MALRD1: variants seen among roughly 807,000 people sequenced by gnomAD.
MALRD1 encodes the protein MAM and LDL receptor class A domain containing 1.
Under a neutral mutation model 242.1 loss-of-function variants are expected in MALRD1, and 247 were observed. The observed-to-expected ratio is 1.02, with a 90% CI of 0.92 to 1.13. MALRD1 has a LOEUF of 1.13. MALRD1 is among the 50% of genes most tolerant of loss of function. The pLI is 0.00. For missense variants in MALRD1, 2,989 were observed against 2,533.1 expected, an observed-to-expected ratio of 1.18 and a Z score of -3.86; for synonymous variants, 995 against 866.6, an observed-to-expected ratio of 1.15 and a Z score of -2.60.
chr10:19,643,874 G>A (rs1840524644), intron 36 of MALRD1, among the ~76,000 whole-genome samples: 1 of 152,156 alleles, frequency 6.6e-6, no homozygotes, highest in African/African-American at 2.4e-5. Context: ...GAATTAGCCA[G>A]TGGGATGCAC....
chr10:19,231,618 A>T (rs960326054), intron 18 of MALRD1, among the ~76,000 whole-genome samples: 2 of 152,046 alleles, frequency 1.3e-5, no homozygotes, highest in Admixed American at 6.6e-5. Context: ...TTCCCTACAC[A>T]AGCTTTCTTC....
intron 36 of MALRD1, among the ~76,000 whole-genome samples, chr10:19,643,357 A>T (rs538383446): frequency 3.9e-5 from 6 of 152,214 alleles, no homozygotes; most frequent in African/African-American, 1.4e-4. Flanking sequence ...GAAGCAGTAG[A>T]ATCGCTTGAA....
At chr10:19,474,701 G>A (rs1356155043) in intron 29 of MALRD1, among the ~76,000 whole-genome samples, 3 of 151,976 alleles carry the variant, frequency 2.0e-5, no homozygotes. Flanking sequence ...GAAGCATTTT[G>A]TTCTTAAAAG....
intron 5 of MALRD1, among the ~76,000 whole-genome samples, chr10:19,105,015 T>G (rs779674668): frequency 1.3e-5 from 2 of 152,110 alleles, no homozygotes; most frequent in Non-Finnish European, 2.9e-5. Context: ...ATTTATCTTC[T>G]CTTTGTAGTA....
At chr10:19,373,461 G>A (rs1289281732) in intron 26 of MALRD1, among the ~76,000 whole-genome samples, 2 of 151,952 alleles carry the variant, frequency 1.3e-5, no homozygotes, top group East Asian at 1.9e-4. Context: ...GGAGGTTGCA[G>A]TGAGCCGAGA....
chr10:19,706,680 G>A (rs1053995848), intron 38 of MALRD1, among the ~76,000 whole-genome samples: 1 of 152,048 alleles, frequency 6.6e-6, no homozygotes, highest in African/African-American at 2.4e-5. Context: ...AAAGGGCCGA[G>A]TGTTGTCTCC....
At chr10:19,554,935 G>T (rs1000222042) in intron 32 of MALRD1, among the ~76,000 whole-genome samples, 2 of 152,068 alleles carry the variant, frequency 1.3e-5, no homozygotes, top group African/African-American at 4.8e-5. Flanking sequence ...GGGTCAGATG[G>T]TATTTCTGGT....
chr10:19,553,014 C>A (rs1318812084), intron 32 of MALRD1, among the ~76,000 whole-genome samples: 1 of 152,088 alleles, frequency 6.6e-6, no homozygotes, highest in African/African-American at 2.4e-5. Flanking sequence ...AGTAGCCATA[C>A]ATCCTAATTA....
intron 2 of MALRD1, among the ~76,000 whole-genome samples, chr10:19,081,635 G>T (rs1427293393): frequency 6.6e-6 from 1 of 152,026 alleles, no homozygotes; most frequent in Non-Finnish European, 1.5e-5. Context: ...GGGAGGTAGA[G>T]CATCAGGAAG....
chr10:19,237,354 T>A (rs1838366631), intron 18 of MALRD1, among the ~76,000 whole-genome samples: 1 of 150,896 alleles, frequency 6.6e-6, no homozygotes, highest in South Asian at 2.1e-4. Context: ...AACATTTTTT[T>A]TTTAAGATTC....
intron 19 of MALRD1, among the ~76,000 whole-genome samples, chr10:19,266,209 A>G (rs185188414): frequency 6.6e-5 from 10 of 151,864 alleles, no homozygotes; most frequent in African/African-American, 1.9e-4. Flanking sequence ...ATTCACTTAC[A>G]TTTAAAGTAA....
At chr10:19,279,339 G>A (rs970305434) in intron 19 of MALRD1, among the ~76,000 whole-genome samples, 2 of 152,250 alleles carry the variant, frequency 1.3e-5, no homozygotes, top group Non-Finnish European at 1.5e-5. Flanking sequence ...CACACAACCC[G>A]TTCTGGGACT....
chr10:19,331,310 T>A, intron 23 of MALRD1, 59 bp from the exon 24 acceptor site: 1 of 1,321,914 alleles, frequency 7.6e-7, no homozygotes, highest in Non-Finnish European at 1.1e-6. Flanking sequence ...TACTTAGTGT[T>A]TGCCCAGGTT....
At chr10:19,682,803 C>T (rs776741816) in intron 36 of MALRD1, among the ~76,000 whole-genome samples, 1 of 152,322 alleles carries the variant, frequency 6.6e-6, no homozygotes, top group Admixed American at 6.5e-5. Flanking sequence ...AGAAAACACT[C>T]GATCTGAGCT....
At chr10:19,443,775 T>C (rs1484255907) in intron 28 of MALRD1, among the ~76,000 whole-genome samples, 1 of 152,342 alleles carries the variant, frequency 6.6e-6, no homozygotes, top group East Asian at 1.9e-4. Context: ...TGTGATGTGG[T>C]GCTGAGAAGA....
intron 33 of MALRD1, among the ~76,000 whole-genome samples, chr10:19,576,964 G>GTTTTTTTTTT (rs11331552): frequency 2.4e-5 from 3 of 123,414 alleles, no homozygotes; most frequent in Non-Finnish European, 1.7e-5. Context: ...CCACATTGTC[G>GTTTTTTTTTT]TTTTTTTTTT....
chr10:19,549,668 C>G (rs965799763), intron 32 of MALRD1, among the ~76,000 whole-genome samples: 1 of 152,190 alleles, frequency 6.6e-6, no homozygotes, highest in African/African-American at 2.4e-5. Context: ...CTCTGGGAAA[C>G]CGAAAGATTT....
At chr10:19,370,910 A>G (rs1032357011) in intron 26 of MALRD1, among the ~76,000 whole-genome samples, 1 of 151,876 alleles carries the variant, frequency 6.6e-6, no homozygotes, top group Non-Finnish European at 1.5e-5. Context: ...CTTTTCATAA[A>G]TTCTTTATAA....
At position 19,692,697 on chromosome 10, in the gene MALRD1, G is replaced by A. The variant is rs892359238; in HGVS notation, c.6314+143G>A. 3 of 613,430 alleles carry A rather than the reference G, an allele frequency of 4.9e-6. No individual in the cohort carries two copies. In the African/African-American group the frequency reaches 5.7e-5, roughly 12 times the overall value. The allele number at this position is 613,430 out of a possible 1,614,324, so 38.0% of individuals were successfully genotyped here. On this transcript the variant is annotated intron_variant, in intron 38 of 39. Coordinates refer to ENST00000454679, the MANE Select transcript of MALRD1 (RefSeq NM_001142308.3). Reference sequence around the variant, plus strand: ...TGCTGCTTTATGGATTTATTTTTCTGGGCAGAAAAGAGGAGCTACCTAACA... The same window carrying A: ...TGCTGCTTTATGGATTTATTTTTCTAGGCAGAAAAGAGGAGCTACCTAACA...
Sources: gnomAD v4.1 joint callset for allele counts (sites outside exome capture counted in the v4.1 genomes callset) on GRCh38, gnomAD v4.1.1 for gene constraint, MANE v1.5 for transcripts, NCBI Gene and HGNC (gene_info 2026-07-23, HGNC 2026-07-21) for gene names.